FBXO47: variants seen among roughly 807,000 people sequenced by gnomAD.
FBXO47 encodes F-box protein 47.
A neutral mutation model predicts 53.9 loss-of-function variants in FBXO47; 34 were observed. The observed-to-expected ratio is 0.63, with a 90% CI of 0.48 to 0.84. FBXO47 has a LOEUF of 0.84. Among genes scored for constraint, FBXO47 ranks in the 40% least tolerant of loss-of-function variants. The probability of loss-of-function intolerance (pLI) is 0.00; values close to 1 mark genes in which losing one functional copy is unlikely to be tolerated. For synonymous variants in FBXO47, 165 were observed against 181.6 expected (o/e 0.91, Z 0.73); for missense variants, 485 against 541.3 (o/e 0.90, Z 1.03).
chr17:38,941,528 C>T (rs1003227192), intron 9 of FBXO47, among the ~76,000 whole-genome samples: 3 of 150,386 alleles, frequency 2.0e-5, no homozygotes, highest in East Asian at 2.0e-4. Context: ...AGGCTGCTCT[C>T]GAACTCCTGG....
intron 1 of FBXO47, 122 bp from the exon 2 acceptor site, chr17:38,963,173 CA>C (rs1905907453): frequency 1.7e-6 from 1 of 597,450 alleles, no homozygotes; most frequent in Admixed American, 3.1e-5. Context: ...TCTGTATTTG[CA>C]AAAGATTTTT....
At chr17:38,942,021 C>T (rs939322783) in intron 9 of FBXO47, among the ~76,000 whole-genome samples, 20 of 151,856 alleles carry the variant, frequency 1.3e-4, no homozygotes, top group Admixed American at 9.2e-4. Context: ...TTTGACTATA[C>T]AAAATTAGAG....
intron 10 of FBXO47, among the ~76,000 whole-genome samples, 188 bp from the exon 11 acceptor site, chr17:38,937,478 T>A (rs1915607332): frequency 6.6e-6 from 1 of 152,018 alleles, no homozygotes; most frequent in South Asian, 2.1e-4. Context: ...TGCCTCAGCC[T>A]CCCGAGTAGC....
At position 38,960,630 on chromosome 17, in the gene FBXO47, C is replaced by CTT. The variant is rs947161295; in HGVS notation, c.352+1245_352+1246dup. Among the ~76,000 whole-genome samples the CTT allele has an allele frequency of 1.4e-3, 179 of 132,514 alleles. 2 individuals are homozygous for CTT. In the Middle Eastern group the frequency reaches 0.015, roughly 11 times the overall value. 86.9% of individuals were successfully genotyped at this position (132,514 alleles called of 152,430 possible). A position where few individuals can be genotyped will look rare whatever the true frequency, so the allele number is the denominator to read the frequency against. The stretch of plus-strand genomic sequence containing the variant: ...CGATGAATTAAAAATAATTCTTTCT[C>CTT]TTTTTTTTTTTTTTTTTTTGAGATG... On this transcript the variant is annotated intron_variant, in intron 3 of 10. Transcript: ENST00000378079.
At chr17:38,958,371 T>C (rs1478727855) in intron 3 of FBXO47, among the ~76,000 whole-genome samples, 1 of 151,778 alleles carries the variant, frequency 6.6e-6, no homozygotes, top group Non-Finnish European at 1.5e-5. Context: ...ACAGAAAGTA[T>C]CCAGTTAGGA....
chr17:38,953,308 G>A (rs888205803), intron 5 of FBXO47, among the ~76,000 whole-genome samples: 1 of 151,470 alleles, frequency 6.6e-6, no homozygotes. Flanking sequence ...GACAGAGCAA[G>A]ACTCCGTCTC....
intron 6 of FBXO47, among the ~76,000 whole-genome samples, chr17:38,946,402 A>G (rs1424033878): frequency 3.1e-5 from 3 of 95,730 alleles, no homozygotes; most frequent in Non-Finnish European, 5.2e-5. Context: ...CTATATATAA[A>G]TATATAGATA....
Position 38,963,069 on chromosome 17 carries a change from G to C in FBXO47, c.-26-18C>G. 1 of 1,422,344 alleles carries C rather than the reference G, an allele frequency of 7.0e-7. No individual in the cohort carries two copies. Among genetic ancestry groups the C allele is most frequent in the Non-Finnish European group, 9.7e-7 (1 of 1,032,290 alleles). The allele number at this position is 1,422,344 out of a possible 1,614,324, so 88.1% of individuals were successfully genotyped here. ...AATTTATCCTGGTCAGAAAAACAAA[G>C]TACAAGAGACAAGAAAGAAAGGAAA... On this transcript the variant is annotated intron_variant, in intron 1 of 10. Transcript: ENST00000378079.
intron 1 of FBXO47, among the ~76,000 whole-genome samples, chr17:38,965,642 G>C (rs1906066538): frequency 6.7e-6 from 1 of 148,538 alleles, no homozygotes; most frequent in East Asian, 2.0e-4. Context: ...GGGAGGCTGA[G>C]GCCGGTGGAT....
chr17:38,955,088 AAGT>A (rs1464956165), intron 4 of FBXO47, among the ~76,000 whole-genome samples, 155 bp from the exon 5 acceptor site: 8 of 152,168 alleles, frequency 5.3e-5, no homozygotes, highest in African/African-American at 1.4e-4. Flanking sequence ...GGGATTATAA[AAGT>A]AGTATAAAAG....
At chr17:38,946,034 T>A (rs1399229778) in intron 6 of FBXO47, among the ~76,000 whole-genome samples, 10 of 114,604 alleles carry the variant, frequency 8.7e-5, no homozygotes, top group East Asian at 4.6e-4. Flanking sequence ...TAAAAATATA[T>A]ATAAATATAT....
Position 38,945,110 on chromosome 17 carries a change from T to C in FBXO47, c.643A>G (p.Ile215Val). ...PGSAQKLELR[I>V]RLFCRNVLLD... is the part of the protein sequence containing the mutation. ...AGGACATTCCTACAGAAGAGTCTGA[T>C]TCTTAACTCCAGTTTTTGGGCACTT... Residue 215 changes from isoleucine to valine, a missense_variant, in exon 7 of 11, where the codon ATC (isoleucine) becomes GTC (valine). Ile to Val is a conservative substitution (Grantham distance 29). Transcript: ENST00000378079. The C allele has an allele frequency of 6.2e-7, 1 of 1,613,246 alleles. No homozygotes were observed. Among genetic ancestry groups the C allele is most frequent in the Non-Finnish European group, 8.5e-7 (1 of 1,179,464 alleles).
chr17:38,942,135 C>A (rs1362457544), intron 9 of FBXO47, among the ~76,000 whole-genome samples: 1 of 152,024 alleles, frequency 6.6e-6, no homozygotes, highest in East Asian at 1.9e-4. Flanking sequence ...CCCCAACCCA[C>A]CCCCACAGTG....
chr17:38,940,819 A>ACACACAC (rs1491147986), intron 9 of FBXO47, among the ~76,000 whole-genome samples: 1 of 151,346 alleles, frequency 6.6e-6, no homozygotes, highest in Non-Finnish European at 1.5e-5. Flanking sequence ...GGGACGATAG[A>ACACACAC]CACACACCAC....
chr17:38,957,527 T>C (rs1905610239), intron 3 of FBXO47, among the ~76,000 whole-genome samples: 1 of 152,034 alleles, frequency 6.6e-6, no homozygotes, highest in Admixed American at 6.6e-5. Context: ...GAAAAATACA[T>C]AGAGTATAAA....
intron 1 of FBXO47, among the ~76,000 whole-genome samples, chr17:38,964,664 AAAACAAAC>A (rs370428806): frequency 1.6e-4 from 24 of 152,130 alleles, no homozygotes; most frequent in East Asian, 1.5e-3. Context: ...TTGGTCTCGA[AAAACAAAC>A]AAACAAACAA....
At chr17:38,962,190 T>C in intron 2 of FBXO47, 143 bp from the exon 3 acceptor site, 1 of 640,566 alleles carries the variant, frequency 1.6e-6, no homozygotes, top group Non-Finnish European at 2.6e-6. Flanking sequence ...GGGAAAAACC[T>C]TAAAATTGTT....
At chr17:38,960,239 C>G (rs1905756931) in intron 3 of FBXO47, among the ~76,000 whole-genome samples, 1 of 151,468 alleles carries the variant, frequency 6.6e-6, no homozygotes, top group African/African-American at 2.4e-5. Context: ...TACGGGCCAG[C>G]CTGGGCAACA....
intron 1 of FBXO47, among the ~76,000 whole-genome samples, chr17:38,965,142 G>A (rs887973533): frequency 2.0e-5 from 3 of 152,170 alleles, no homozygotes; most frequent in Non-Finnish European, 4.4e-5. Flanking sequence ...AAGCCACCAC[G>A]CCCGCCCATT....
Sources: gnomAD v4.1 joint callset for allele counts (sites outside exome capture counted in the v4.1 genomes callset) on GRCh38, gnomAD v4.1.1 for gene constraint, MANE v1.5 for transcripts, NCBI Gene and HGNC (gene_info 2026-07-23, HGNC 2026-07-21) for gene names.